The following TEKT4 variants were observed in gnomAD, a reference collection of about 807,000 sequenced individuals.
TEKT4 encodes tektin-4.
TEKT4 carries 46 observed loss-of-function variants against 46.0 expected under a neutral mutation model. The observed-to-expected ratio is 1.00, with a 90% CI of 0.79 to 1.28. The LOEUF is 1.28. TEKT4 is among the 50% of genes most tolerant of loss of function. The pLI is 0.00. For missense variants in TEKT4, 790 were observed against 622.9 expected, an observed-to-expected ratio of 1.27 and a Z score of -2.85; for synonymous variants, 325 against 265.8, an observed-to-expected ratio of 1.22 and a Z score of -2.17.
Position 94,874,933 on chromosome 2 carries a change from GC to G in TEKT4, c.873del (p.Phe292SerfsTer36). 6.2e-7 allele frequency: 1 copy of G among 1,612,086 alleles called. No homozygotes were observed. The highest frequency in any genetic ancestry group is 8.5e-7 in the Non-Finnish European group (1 of 1,179,666). On this transcript the variant is annotated frameshift_variant, in exon 4 of 6. Transcript: ENST00000295201. LOFTEE classifies it high-confidence loss of function. ...GCTCCAGTGCGACGCCGTGAACCTG[GC>G]CTTCGGGCGCCGCTGTGAGGAGCTG... is the stretch of plus-strand genomic sequence containing the variant. Reference protein sequence around the residue: ...LRLQCDAVNLAFGRRCEELED... With the variant: ...LRLQCDAVNLXFGRRCEELED...
Position 94,871,739 on chromosome 2 carries a change from C to G in TEKT4, c.160C>G (p.Gln54Glu). Residue 54 changes from glutamine to glutamate, a missense_variant, in exon 1 of 6, where the codon CAG (glutamine) becomes GAG (glutamate). By Grantham distance (29) the Gln-to-Glu change is conservative. Transcript: ENST00000295201. ...CCAGAACTGCTATGCTCGCTACCAC[C>G]AGGCCTTCGCCGACCGCGACCAGTC... The part of the protein sequence containing the change: ...WFQNCYARYH[Q>E]AFADRDQSER... The G allele has an allele frequency of 6.2e-7, 1 of 1,612,648 alleles. No individual in the cohort carries two copies.
intron 3 of TEKT4, among the ~76,000 whole-genome samples, chr2:94,874,575 G>A (rs1553395723): frequency 6.6e-6 from 1 of 150,566 alleles, no homozygotes; most frequent in East Asian, 2.0e-4. Context: ...GGTGTGGGGG[G>A]ACTCAGAGAA....
rs368905332 is a variant in TEKT4 at position 94,876,780 on chromosome 2, G to T, written c.*11G>T. 4 of 1,601,932 alleles carry T rather than the reference G, an allele frequency of 2.5e-6. No homozygotes were observed. The East Asian group carries it at 8.9e-5, about 36-fold the overall frequency. ...GCTGGCTACCAGTGAGCAGCGGCAC[G>T]GTGCTTCCCCCCAGTCCCCCAAATA... On this transcript the variant is annotated 3_prime_UTR_variant, in exon 6 of 6. Transcript: ENST00000295201.
At chr2:94,874,178 C>A (rs1453860811) in intron 3 of TEKT4, 70 bp downstream of exon 3, 2 of 1,555,974 alleles carry the variant, frequency 1.3e-6, no homozygotes, top group Non-Finnish European at 8.8e-7. Context: ...GGGGCCCCAG[C>A]GGCGCTGCTT....
chr2:94,876,448 G>A, intron 5 of TEKT4, 105 bp from the exon 6 acceptor site: 1 of 947,100 alleles, frequency 1.1e-6, no homozygotes, highest in Non-Finnish European at 1.6e-6. Context: ...AGTCTTCCCA[G>A]GACCTCCTGC....
chr2:94,875,174 T>C (rs782466152), intron 4 of TEKT4, among the ~76,000 whole-genome samples, 176 bp downstream of exon 4: 3 of 152,170 alleles, frequency 2.0e-5, no homozygotes, highest in Non-Finnish European at 2.9e-5. Context: ...GCCACCCCTA[T>C]GACTCAGCAG....
In TEKT4 at chr2:94,876,535, C is replaced by T. The variant is rs1382778409; in HGVS notation, c.1092-18C>T. On this transcript the variant is annotated intron_variant, in intron 5 of 5. Coordinates refer to ENST00000295201, the MANE Select transcript of TEKT4 (RefSeq NM_144705.4). Reference sequence around the variant, plus strand: ...CTGCCCTCCCTAGCCCCGGCTCACACCCCCCCAACACCCCCAGGCTGTTGA... The same window carrying T: ...CTGCCCTCCCTAGCCCCGGCTCACATCCCCCCAACACCCCCAGGCTGTTGA... 6.3e-7 allele frequency: 1 copy of T among 1,587,078 alleles called. No individual in the cohort carries two copies. Among genetic ancestry groups the T allele is most frequent in the Non-Finnish European group, 8.6e-7 (1 of 1,167,980 alleles).
chr2:94,873,887 G>A, intron 2 of TEKT4, 78 bp from the exon 3 acceptor site: 5 of 1,573,950 alleles, frequency 3.2e-6, no homozygotes, highest in Non-Finnish European at 4.3e-6. Context: ...AGGCATTGGG[G>A]CCCAGCCTGC....
rs536038842 is a variant in TEKT4, at chr2:94,874,787, C to G, written c.725C>G (p.Pro242Arg). The G allele has an allele frequency of 2.5e-6, 4 of 1,582,690 alleles. No homozygotes were observed. The highest frequency in any genetic ancestry group is 3.4e-6 in the Non-Finnish European group (4 of 1,166,910). Residue 242 changes from proline (P) to arginine (R), a missense_variant, in exon 4 of 6, where the codon CCG becomes CGG. Coordinates refer to ENST00000295201, the MANE Select transcript of TEKT4 (RefSeq NM_144705.4). ...CCCCCGCCCCGCAGCGCCTCCACCC[C>G]GGAGACCCGGGCCAAGTTCACGCAG... ...STTFQESASTPETRAKFTQDN... is the reference protein window; with the variant it reads ...STTFQESASTRETRAKFTQDN...
rs1452374068 is a variant in TEKT4, at chr2:94,874,703, T to A, written c.714-73T>A. On this transcript the variant is annotated intron_variant, in intron 3 of 5. Coordinates refer to ENST00000295201, the MANE Select transcript of TEKT4 (RefSeq NM_144705.4). Reference sequence around the variant, plus strand: ...AGGAGCATGGGGCGCGGACAGGGCATGGGGGCGCAGCAGGGCTCCCAGCCT... The same window carrying A: ...AGGAGCATGGGGCGCGGACAGGGCAAGGGGGCGCAGCAGGGCTCCCAGCCT... 2.2e-6 allele frequency: 3 copies of A among 1,366,758 alleles called. No homozygotes were observed. The African/African-American group carries it at 4.3e-5, about 20-fold the overall frequency. 84.7% of individuals were successfully genotyped at this position (1,366,758 alleles called of 1,614,324 possible). A position where few individuals can be genotyped will look rare whatever the true frequency, so the allele number is the denominator to read the frequency against.
intron 1 of TEKT4, chr2:94,873,054 G>T: frequency 7.8e-7 from 1 of 1,279,982 alleles, no homozygotes; most frequent in East Asian, 5.6e-5. Flanking sequence ...AATTAAACTG[G>T]CCAGGCAATA....
intron 2 of TEKT4, 65 bp downstream of exon 2, chr2:94,873,655 A>G (rs1573183898): frequency 6.3e-7 from 1 of 1,592,564 alleles, no homozygotes; most frequent in Non-Finnish European, 8.6e-7. Flanking sequence ...GGGGCAAGGC[A>G]TTGAACGACA....
rs1323102916 is a variant in TEKT4, at chr2:94,871,550, C to T, written c.-30C>T. The T allele has an allele frequency of 5.1e-6, 8 of 1,558,590 alleles. No individual in the cohort carries two copies. Among genetic ancestry groups the T allele is most frequent in the Admixed American group, 3.8e-5 (2 of 52,782 alleles). On this transcript the variant is annotated 5_prime_UTR_variant, in exon 1 of 6. Transcript: ENST00000295201. Reference sequence around the variant, plus strand: ...ACCGGCTGACCACACACAGTCCTCACTCCCCTGGCCCTGGTGGGCGGCAGG... The same window carrying T: ...ACCGGCTGACCACACACAGTCCTCATTCCCCTGGCCCTGGTGGGCGGCAGG...
chr2:94,873,482 G>A (rs1553395296), intron 1 of TEKT4, 38 bp from the exon 2 acceptor site: 3 of 1,611,736 alleles, frequency 1.9e-6, no homozygotes, highest in Non-Finnish European at 2.5e-6. Context: ...ATCCTCACCA[G>A]GGACTGGCTC....
In TEKT4 at chr2:94,875,620, C is replaced by A; in HGVS notation, c.969C>A (p.Asn323Lys). 1 of 1,614,152 alleles carries A rather than the reference C, an allele frequency of 6.2e-7. No homozygotes were observed. Among genetic ancestry groups the A allele is most frequent in the African/African-American group, 1.3e-5 (1 of 75,042 alleles). Residue 323 changes from asparagine to lysine, a missense_variant, in exon 5 of 6, where the codon AAC becomes AAA. Coordinates refer to ENST00000295201, the MANE Select transcript of TEKT4 (RefSeq NM_144705.4). ...GGGAAATCACAGATCAGGAACACAA[C>A]GTGGCGGCACTGAAGCAGGCCATCA... ...TLREITDQEH[N>K]VAALKQAIKD... is the part of the protein sequence containing the mutation.
rs782444000 is a variant in TEKT4, at chr2:94,871,621, G to C, written c.42G>C (p.Glu14Asp). 2 of 1,612,114 alleles carry C rather than the reference G, an allele frequency of 1.2e-6. No homozygotes were observed. Among genetic ancestry groups the C allele is most frequent in the Non-Finnish European group, 1.7e-6 (2 of 1,179,766 alleles). ...CGCCCTGCGAGCTGCCCTGCAAAGA[G>C]TACGACGTGGCCCGTAACACGGGCG... ...TVPPCELPCK[E>D]YDVARNTGAY... The change falls in exon 1 of 6, where the codon GAG (glutamate) becomes GAC (aspartate). Residue 14 changes from glutamate to aspartate, a missense_variant. Coordinates refer to ENST00000295201, the MANE Select transcript of TEKT4 (RefSeq NM_144705.4).
chr2:94,874,814 A>T lies in TEKT4; in HGVS notation c.752A>T (p.Asp251Val). Residue 251 changes from aspartate to valine, a missense_variant, in exon 4 of 6, where the codon GAC (aspartate) becomes GTC (valine). Asp to Val is a radical substitution (Grantham distance 152). Coordinates refer to ENST00000295201, the MANE Select transcript of TEKT4 (RefSeq NM_144705.4). The part of the protein sequence containing the change: ...TPETRAKFTQ[D>V]NLCRAQRERL... ...GAGACCCGGGCCAAGTTCACGCAGG[A>T]CAATCTGTGCCGTGCCCAGCGCGAG... 6.2e-7 allele frequency: 1 copy of T among 1,601,524 alleles called. No homozygotes were observed. The highest frequency in any genetic ancestry group is 1.8e-4 in the Middle Eastern group (1 of 5,542).
At chr2:94,873,634 C>T (rs1161014265) in intron 2 of TEKT4, 44 bp downstream of exon 2, 2 of 1,610,876 alleles carry the variant, frequency 1.2e-6, no homozygotes, top group Non-Finnish European at 1.7e-6. Context: ...ACCCTACCCA[C>T]AGCTGGTCCT....
At chr2:94,876,306 G>A (rs1558609771) in intron 5 of TEKT4, among the ~76,000 whole-genome samples, 1 of 152,130 alleles carries the variant, frequency 6.6e-6, no homozygotes, top group Non-Finnish European at 1.5e-5. Flanking sequence ...GTCGGCTGAG[G>A]CCAGTCCTGT....
Sources: allele counts gnomAD v4.1 joint callset (sites outside exome capture counted in the v4.1 genomes callset), GRCh38; gene constraint gnomAD v4.1.1; transcripts MANE v1.5; gene names NCBI Gene and HGNC (gene_info 2026-07-23, HGNC 2026-07-21).